The following NRG3 variants were observed in gnomAD, a reference collection of about 807,000 sequenced individuals.
NRG3 encodes pro-neuregulin-3, membrane-bound isoform.
In NRG3, 31 loss-of-function variants were observed where a neutral mutation model predicts 66.9. The ratio of observed to expected loss-of-function variants is 0.46; its 90% CI spans 0.35 to 0.63. The LOEUF (loss-of-function observed/expected upper bound fraction) is 0.63. Ranked by LOEUF, NRG3 falls within the 20% of genes least tolerant of loss-of-function variation. The probability of loss-of-function intolerance (pLI) is 0.00; values close to 1 mark genes in which losing one functional copy is unlikely to be tolerated. For missense variants in NRG3, 910 were observed against 878.9 expected, an observed-to-expected ratio of 1.04 and a Z score of -0.45; for synonymous variants, 393 against 359.4, an observed-to-expected ratio of 1.09 and a Z score of -1.06.
intron 2 of NRG3, among the ~76,000 whole-genome samples, chr10:82,398,966 G>A (rs1390998969): frequency 6.6e-6 from 1 of 152,074 alleles, no homozygotes; most frequent in Non-Finnish European, 1.5e-5. Flanking sequence ...TATTTCCAAA[G>A]GATTTAATGC....
At chr10:82,829,026 CTT>C in intron 3 of NRG3, among the ~76,000 whole-genome samples, 1 of 152,162 alleles carries the variant, frequency 6.6e-6, no homozygotes, top group East Asian at 1.9e-4. Flanking sequence ...TTTTTAAAGC[CTT>C]TTTGTTTGTT....
In NRG3 at chr10:82,413,163, G is replaced by T. The variant is rs546027217; in HGVS notation, c.953+54295G>T. Among the ~76,000 whole-genome samples the T allele has an allele frequency of 7.2e-5, 11 of 152,224 alleles. No individual in the cohort carries two copies. In the South Asian group the frequency reaches 2.3e-3, roughly 32 times the overall value. On this transcript the variant is annotated intron_variant, in intron 2 of 8. Transcript: ENST00000372141. ...TTTACATTGCCCAGATCCATCAGAG[G>T]AATCACTATCTATGGCACCTAGGGC...
chr10:82,284,594 C>A (rs1225485767), intron 1 of NRG3, among the ~76,000 whole-genome samples: 1 of 152,134 alleles, frequency 6.6e-6, no homozygotes, highest in Non-Finnish European at 1.5e-5. Flanking sequence ...ATTTCTGTTT[C>A]TTTAATGATT....
chr10:82,195,546 T>C (rs948620406), intron 1 of NRG3, among the ~76,000 whole-genome samples: 2 of 152,148 alleles, frequency 1.3e-5, no homozygotes, highest in African/African-American at 4.8e-5. Context: ...AACAGTCTTA[T>C]GCTATGCTAT....
intron 2 of NRG3, among the ~76,000 whole-genome samples, chr10:82,536,024 T>C (rs2132696221): frequency 6.6e-6 from 1 of 152,202 alleles, no homozygotes; most frequent in South Asian, 2.1e-4. Flanking sequence ...CAAATGGCAT[T>C]ATATCTGCTT....
intron 1 of NRG3, among the ~76,000 whole-genome samples, chr10:81,925,657 C>T (rs1033570909): frequency 2.0e-5 from 3 of 152,018 alleles, no homozygotes; most frequent in Admixed American, 6.6e-5. Context: ...CTGGATAATT[C>T]TTGACTTTGC....
intron 3 of NRG3, among the ~76,000 whole-genome samples, chr10:82,828,386 G>C: frequency 6.6e-6 from 1 of 152,048 alleles, no homozygotes. Flanking sequence ...ATCTTAACTG[G>C]AGGCCCATTC....
chr10:82,326,038 G>T lies in NRG3; in HGVS notation c.824-32701G>T, dbSNP rs148446450. Among the ~76,000 whole-genome samples, 721 of 152,252 alleles carry T rather than the reference G, an allele frequency of 4.7e-3. 5 individuals are homozygous for T. The highest frequency in any genetic ancestry group is 0.017 in the African/African-American group (692 of 41,560). On this transcript the variant is annotated intron_variant, in intron 1 of 8. Transcript: ENST00000372141. ...TCTGGCTGTTAATTTTCTTCTGACTGAAGGATGTCCTTTACATTTTTTTGT... is the reference window on the plus strand; with the variant it reads ...TCTGGCTGTTAATTTTCTTCTGACTTAAGGATGTCCTTTACATTTTTTTGT...
intron 3 of NRG3, among the ~76,000 whole-genome samples, chr10:82,779,975 G>T (rs1433688750): frequency 6.7e-6 from 1 of 148,288 alleles, no homozygotes; most frequent in South Asian, 2.1e-4. Context: ...TGTGGTGTTT[G>T]GTTTTCTGTT....
intron 1 of NRG3, among the ~76,000 whole-genome samples, chr10:81,998,322 C>G (rs1463190504): frequency 1.3e-5 from 2 of 152,174 alleles, no homozygotes; most frequent in African/African-American, 2.4e-5. Context: ...TCTACTTAGA[C>G]ATGTTTCTCT....
At chr10:81,963,741 G>C (rs2059617945) in intron 1 of NRG3, among the ~76,000 whole-genome samples, 1 of 152,172 alleles carries the variant, frequency 6.6e-6, no homozygotes, top group African/African-American at 2.4e-5. Context: ...TGTAAAAGCT[G>C]TGTCCGAGCC....
At chr10:82,152,807 C>CCT (rs796578780) in intron 1 of NRG3, among the ~76,000 whole-genome samples, 1 of 150,632 alleles carries the variant, frequency 6.6e-6, no homozygotes, top group Admixed American at 6.6e-5. Flanking sequence ...CCCACCCTCC[C>CCT]CTCTCTCTCT....
At chr10:82,183,378 A>G (rs1388662595) in intron 1 of NRG3, among the ~76,000 whole-genome samples, 4 of 151,736 alleles carry the variant, frequency 2.6e-5, no homozygotes. Context: ...ATTTCAAATG[A>G]CCTTTCTTTG....
chr10:82,310,888 C>T (rs937007448), intron 1 of NRG3, among the ~76,000 whole-genome samples: 2 of 152,162 alleles, frequency 1.3e-5, no homozygotes, highest in African/African-American at 4.8e-5. Context: ...CATCATCAGA[C>T]AAGTATGAGC....
intron 3 of NRG3, among the ~76,000 whole-genome samples, chr10:82,780,395 G>T (rs988886059): frequency 1.3e-5 from 2 of 148,918 alleles, no homozygotes; most frequent in Non-Finnish European, 3.0e-5. Context: ...GAGGATATTT[G>T]TATTTGCTTG....
intron 4 of NRG3, among the ~76,000 whole-genome samples, chr10:82,913,018 G>T (rs1845476294): frequency 6.6e-6 from 1 of 152,154 alleles, no homozygotes; most frequent in South Asian, 2.1e-4. Context: ...AAAGTCAGGA[G>T]ATCGAGACCA....
chr10:82,948,362 T>C (rs1348404474), intron 4 of NRG3, among the ~76,000 whole-genome samples: 2 of 152,142 alleles, frequency 1.3e-5, no homozygotes, highest in East Asian at 1.9e-4. Context: ...ATTCCACAAC[T>C]TTGTTCTCTT....
intron 1 of NRG3, among the ~76,000 whole-genome samples, chr10:82,353,490 C>T (rs865857043): frequency 6.6e-6 from 1 of 152,144 alleles, no homozygotes; most frequent in Non-Finnish European, 1.5e-5. Flanking sequence ...TTTAATTACT[C>T]TACTGATTAC....
chr10:82,196,805 C>G (rs1426975415), intron 1 of NRG3, among the ~76,000 whole-genome samples: 3 of 152,130 alleles, frequency 2.0e-5, no homozygotes, highest in Non-Finnish European at 4.4e-5. Context: ...AATTGGTGAG[C>G]TCTTTCTCCA....
Sources: gnomAD v4.1 joint callset for allele counts (sites outside exome capture counted in the v4.1 genomes callset) on GRCh38, gnomAD v4.1.1 for gene constraint, MANE v1.5 for transcripts, NCBI Gene and HGNC (gene_info 2026-07-23, HGNC 2026-07-21) for gene names.